The following CLIC5 variants were observed in gnomAD, a reference collection of about 807,000 sequenced individuals.
CLIC5 encodes chloride intracellular channel protein 5.
Under a neutral mutation model 24.7 loss-of-function variants are expected in CLIC5, and 20 were observed. The ratio of observed to expected loss-of-function variants is 0.81; its 90% CI spans 0.57 to 1.18. The LOEUF (loss-of-function observed/expected upper bound fraction) is 1.18, where lower values mean the gene tolerates loss of function less well. Ranked by LOEUF, CLIC5 falls within the 50% of genes most tolerant of loss-of-function variation. The pLI is 0.00. For missense variants in CLIC5, 341 were observed against 326.1 expected (o/e 1.05, Z -0.35); for synonymous variants, 159 against 135.6 (o/e 1.17, Z -1.20).
chr6:45,897,972 CA>C (rs10948264), downstream of CLIC5, among the ~76,000 whole-genome samples: 16,849 of 143,226 alleles, frequency 0.12, 1,542 homozygotes, highest in African/African-American at 0.26. Flanking sequence ...TTTAGTCTTG[CA>C]AAAAAAAAAA....
chr6:46,020,932 C>T (rs1161553696), intron 1 of CLIC5, among the ~76,000 whole-genome samples: 1 of 151,582 alleles, frequency 6.6e-6, no homozygotes, highest in African/African-American at 2.4e-5. Flanking sequence ...GAAAGCCCTC[C>T]AAGAAAAGAA....
At chr6:45,883,400 C>T (rs1391402687) in intron 6 of CLIC5, among the ~76,000 whole-genome samples, 1 of 152,186 alleles carries the variant, frequency 6.6e-6, no homozygotes, top group Non-Finnish European at 1.5e-5. Context: ...TCTTTTCCAA[C>T]TCTAACATTC....
upstream of CLIC5, among the ~76,000 whole-genome samples, chr6:46,016,600 G>T (rs1051349884): frequency 5.3e-5 from 8 of 151,790 alleles, no homozygotes; most frequent in Non-Finnish European, 1.0e-4. Context: ...GGTTGTTTTA[G>T]TGAAGTAGGA....
At chr6:45,888,665 T>G (rs548701215) in intron 6 of CLIC5, among the ~76,000 whole-genome samples, 1 of 152,354 alleles carries the variant, frequency 6.6e-6, no homozygotes, top group East Asian at 1.9e-4. Flanking sequence ...TATGTAGTAC[T>G]GTAGCATATT....
At chr6:45,927,119 G>A (rs961918725) in intron 4 of CLIC5, among the ~76,000 whole-genome samples, 1 of 152,240 alleles carries the variant, frequency 6.6e-6, no homozygotes, top group Non-Finnish European at 1.5e-5. Context: ...CATCTCCCAA[G>A]CAAAGGCATA....
intron 1 of CLIC5, among the ~76,000 whole-genome samples, chr6:45,968,071 T>C (rs1765076180): frequency 6.6e-6 from 1 of 152,180 alleles, no homozygotes; most frequent in Admixed American, 6.5e-5. Context: ...AGAATTTCTC[T>C]AGTTCCCTTT....
intron 1 of CLIC5, among the ~76,000 whole-genome samples, chr6:46,039,934 G>T (rs536813065): frequency 1.2e-4 from 18 of 152,302 alleles, no homozygotes. Flanking sequence ...GTAAACCCTG[G>T]CAATTCAGAC....
chr6:45,944,473 C>A (rs1443690473), intron 3 of CLIC5, among the ~76,000 whole-genome samples: 1 of 149,886 alleles, frequency 6.7e-6, no homozygotes, highest in Non-Finnish European at 1.5e-5. Context: ...TTCTCTCCAC[C>A]CGGTTTTTAG....
chr6:46,085,669 T>C, the CLIC5 span, among the ~76,000 whole-genome samples: 1 of 152,216 alleles, frequency 6.6e-6, no homozygotes, highest in African/African-American at 2.4e-5. Flanking sequence ...CCATGTGAGG[T>C]GTCAGTCTGC....
chr6:45,880,840 G>C (rs1305236972), downstream of CLIC5: 1 of 297,266 alleles, frequency 3.4e-6, no homozygotes, highest in East Asian at 5.3e-5. Flanking sequence ...GAGAGGCAGA[G>C]TTAGTTTAAT....
At chr6:46,019,821 G>A (rs1215462795), upstream of CLIC5, among the ~76,000 whole-genome samples, 3 of 149,714 alleles carry the variant, frequency 2.0e-5, no homozygotes, top group East Asian at 3.9e-4. Context: ...CAGGAATAGA[G>A]ACATTACATA....
downstream of CLIC5, among the ~76,000 whole-genome samples, chr6:45,893,972 G>T (rs1167149850): frequency 2.0e-5 from 3 of 152,200 alleles, no homozygotes; most frequent in African/African-American, 4.8e-5. Context: ...ACAAGAACCA[G>T]TTCATACTCA....
chr6:46,015,446 G>A, intron 1 of CLIC5, 34 bp downstream of exon 1: 2 of 1,481,152 alleles, frequency 1.4e-6, no homozygotes, highest in African/African-American at 1.4e-5. Flanking sequence ...CGGGAGGCGC[G>A]GCAGGTGCGG....
rs1184934647 is a variant in CLIC5 at position 45,992,594 on chromosome 6, T to C, written c.63+22886A>G. 4.4e-4 allele frequency among the ~76,000 whole-genome samples: 67 copies of C among 152,176 alleles called. 1 individual carries two copies. Among genetic ancestry groups the C allele is most frequent in the Admixed American group, 4.4e-3 (67 of 15,280 alleles). On this transcript the variant is annotated intron_variant, in intron 1 of 5. Transcript: ENST00000339561. ...ATGCCTAACAGATACATATGCATCA[T>C]ATGCATGGGTGGCCTGTATGTGAAT...
chr6:45,960,290 A>G (rs1764803711), intron 1 of CLIC5, among the ~76,000 whole-genome samples: 1 of 152,240 alleles, frequency 6.6e-6, no homozygotes, highest in African/African-American at 2.4e-5. Context: ...AATTATAGAA[A>G]GTGACCAGAT....
chr6:46,001,516 G>A (rs958720317), intron 1 of CLIC5, among the ~76,000 whole-genome samples: 2 of 152,030 alleles, frequency 1.3e-5, no homozygotes, highest in African/African-American at 4.8e-5. Flanking sequence ...TTGCCTTCAG[G>A]CCACAGTCCT....
At chr6:46,037,985 A>C (rs950949939) in intron 1 of CLIC5, among the ~76,000 whole-genome samples, 1 of 152,162 alleles carries the variant, frequency 6.6e-6, no homozygotes, top group East Asian at 1.9e-4. Flanking sequence ...GATGAGACCT[A>C]GGCCTTCAGA....
At chr6:45,995,882 T>A (rs1029408729) in intron 1 of CLIC5, among the ~76,000 whole-genome samples, 5 of 152,260 alleles carry the variant, frequency 3.3e-5, no homozygotes, top group Non-Finnish European at 7.3e-5. Context: ...AAATGCCATA[T>A]GTTCTCACGT....
At chr6:46,025,109 G>C (rs183619251) in intron 1 of CLIC5, among the ~76,000 whole-genome samples, 11 of 152,012 alleles carry the variant, frequency 7.2e-5, no homozygotes, top group African/African-American at 2.7e-4. Flanking sequence ...CAGAAATTCT[G>C]AATTCAGGAA....
Sources: allele counts gnomAD v4.1 joint callset (sites outside exome capture counted in the v4.1 genomes callset), GRCh38; gene constraint gnomAD v4.1.1; transcripts MANE v1.5; gene names NCBI Gene and HGNC (gene_info 2026-07-23, HGNC 2026-07-21).